The following IER3IP1 variants were observed in gnomAD, a reference collection of about 807,000 sequenced individuals.
IER3IP1 encodes the protein immediate early response 3-interacting protein 1.
Under a neutral mutation model 12.2 loss-of-function variants are expected in IER3IP1, and 16 were observed. The ratio of observed to expected loss-of-function variants is 1.31; its 90% CI spans 0.89 to 1.99. The LOEUF (loss-of-function observed/expected upper bound fraction) is 1.99. IER3IP1 is among the 30% of genes most tolerant of loss of function. IER3IP1 has a pLI of 0.00. For missense variants in IER3IP1, 95 were observed against 95.8 expected, an observed-to-expected ratio of 0.99 and a Z score of 0.03; for synonymous variants, 42 against 40.0, an observed-to-expected ratio of 1.05 and a Z score of -0.19.
chr18:47,173,348 CT>C (rs1376871445), intron 1 of IER3IP1, among the ~76,000 whole-genome samples: 1 of 151,860 alleles, frequency 6.6e-6, no homozygotes, highest in African/African-American at 2.4e-5. Context: ...CCTTTTATAC[CT>C]TTTTTTTCTT....
chr18:47,168,575 T>C (rs1356712679), intron 1 of IER3IP1, among the ~76,000 whole-genome samples: 1 of 152,230 alleles, frequency 6.6e-6, no homozygotes, highest in Non-Finnish European at 1.5e-5. Flanking sequence ...CAGTCATCCA[T>C]ATTGCTTTGT....
Position 47,176,291 on chromosome 18 carries a change from C to A in IER3IP1, c.-14G>T. 2.5e-6 allele frequency: 4 copies of A among 1,596,000 alleles called. No individual in the cohort carries two copies. Among genetic ancestry groups the A allele is most frequent in the Non-Finnish European group, 3.4e-6 (4 of 1,170,912 alleles). On this transcript the variant is annotated 5_prime_UTR_variant, in exon 1 of 3. Transcript: ENST00000256433. ...GGTAAAGGCCATGGCCGTCCGAGGCCGCCCCGAAGTCCAAGCGATTTCTCT... is the reference window on the plus strand; with the variant it reads ...GGTAAAGGCCATGGCCGTCCGAGGCAGCCCCGAAGTCCAAGCGATTTCTCT...
chr18:47,158,385 G>A (rs939515784), intron 1 of IER3IP1, among the ~76,000 whole-genome samples: 7 of 151,970 alleles, frequency 4.6e-5, no homozygotes, highest in South Asian at 2.1e-4. Flanking sequence ...GAGTTGCCCA[G>A]GCTGGAGTGC....
intron 1 of IER3IP1, among the ~76,000 whole-genome samples, chr18:47,171,754 C>T (rs115823384): frequency 2.8e-4 from 43 of 152,134 alleles, no homozygotes; most frequent in African/African-American, 9.2e-4. Flanking sequence ...ATGACAGAGA[C>T]TATTACTGTT....
rs768458884 is a variant in IER3IP1 at position 47,156,183 on chromosome 18, A to G, written c.243T>C (p.Phe81=). 1.3e-6 allele frequency: 2 copies of G among 1,537,968 alleles called. No individual in the cohort carries two copies. Among genetic ancestry groups the G allele is most frequent in the Admixed American group, 1.7e-5 (1 of 59,910 alleles). Residue 81 remains phenylalanine, a synonymous_variant, in exon 3 of 3, where the codon TTT becomes TTC. Transcript: ENST00000256433. ...NSIAIVLLLL[F]G ...CCATTTTCTCCACTGATATTCATCC[A>G]AATAATAAAAGTAACACAATTGCAA... is the stretch of plus-strand genomic sequence containing the variant.
chr18:47,176,062 T>TC (rs2144443368), intron 1 of IER3IP1, 125 bp downstream of exon 1: 2 of 828,628 alleles, frequency 2.4e-6, no homozygotes, highest in Non-Finnish European at 2.0e-6. Flanking sequence ...CGGCTTCCAC[T>TC]CCAAGCCGAG....
In IER3IP1 at chr18:47,153,588, C is replaced by G. The variant is rs1000245989; in HGVS notation, c.*2589G>C. 2 of 151,880 alleles carry G rather than the reference C, an allele frequency of 1.3e-5. No individual in the cohort carries two copies. Among genetic ancestry groups the G allele is most frequent in the Non-Finnish European group, 2.9e-5 (2 of 68,016 alleles). 9.4% of individuals were successfully genotyped at this position (151,880 alleles called of 1,614,324 possible). A position where few individuals can be genotyped will look rare whatever the true frequency, so the allele number is the denominator to read the frequency against. On this transcript the variant is annotated 3_prime_UTR_variant, in exon 3 of 3. Transcript: ENST00000256433. Reference sequence around the variant, plus strand: ...GCCCCCAGTGTCTGTTGTCCCCCTCCTTATGTCCATGAGGTCTTATCATTT... The same window carrying G: ...GCCCCCAGTGTCTGTTGTCCCCCTCGTTATGTCCATGAGGTCTTATCATTT...
chr18:47,174,111 A>C (rs57744138), intron 1 of IER3IP1, among the ~76,000 whole-genome samples: 7,978 of 152,206 alleles, frequency 0.052, 255 homozygotes, highest in East Asian at 0.091. Context: ...CACAATTCAA[A>C]CCCCAACTTG....
chr18:47,168,307 A>C lies in IER3IP1; in HGVS notation c.91+7880T>G, dbSNP rs1222858435. 2.7e-5 allele frequency among the ~76,000 whole-genome samples: 4 copies of C among 149,184 alleles called. No individual in the cohort carries two copies. In the East Asian group the frequency reaches 7.8e-4, roughly 29 times the overall value. On this transcript the variant is annotated intron_variant, in intron 1 of 2. Transcript: ENST00000256433. ...ACAGTGCAAGACTCCATCACAAAAA[A>C]AAAAAAAAAAAGACAAAAAAAATCC...
In IER3IP1 at chr18:47,173,819, C is replaced by G. The variant is rs541017776; in HGVS notation, c.91+2368G>C. Among the ~76,000 whole-genome samples the G allele has an allele frequency of 9.2e-5, 14 of 152,296 alleles. No homozygotes were observed. In the South Asian group the frequency reaches 2.1e-3, roughly 23 times the overall value. On this transcript the variant is annotated intron_variant, in intron 1 of 2. Transcript: ENST00000256433. Reference sequence around the variant, plus strand: ...GAGGGATAATCTCATCCATGCCTCTCTCTTAACATCCAGTAGTTGCTGGAA... The same window carrying G: ...GAGGGATAATCTCATCCATGCCTCTGTCTTAACATCCAGTAGTTGCTGGAA...
chr18:47,166,260 A>G (rs772870210), intron 1 of IER3IP1, among the ~76,000 whole-genome samples: 3 of 152,214 alleles, frequency 2.0e-5, no homozygotes, highest in Non-Finnish European at 4.4e-5. Context: ...TGATAAAGTT[A>G]TTTAATTATT....
rs556843657 is a variant in IER3IP1, at chr18:47,171,000, T to C, written c.91+5187A>G. 2.0e-5 allele frequency among the ~76,000 whole-genome samples: 3 copies of C among 152,296 alleles called. No individual in the cohort carries two copies. In the Middle Eastern group the frequency reaches 0.01, roughly 518 times the overall value. On this transcript the variant is annotated intron_variant, in intron 1 of 2. Transcript: ENST00000256433. ...TAGTGTTCCAGCATTAAGTATGATG[T>C]TAACTAGGGAATTTTCATACATGCT...
intron 1 of IER3IP1, among the ~76,000 whole-genome samples, chr18:47,160,190 C>T (rs575940365): frequency 3.4e-5 from 5 of 147,938 alleles, no homozygotes; most frequent in East Asian, 2.0e-4. Flanking sequence ...AGCAAAACTC[C>T]GTCTCAAAAA....
At chr18:47,167,444 C>G (rs1453824935) in intron 1 of IER3IP1, among the ~76,000 whole-genome samples, 1 of 152,150 alleles carries the variant, frequency 6.6e-6, no homozygotes, top group Non-Finnish European at 1.5e-5. Context: ...CTTTAAAAAT[C>G]TGAATATAGA....
intron 1 of IER3IP1, among the ~76,000 whole-genome samples, chr18:47,168,600 T>C (rs990101318): frequency 1.3e-5 from 2 of 152,224 alleles, no homozygotes; most frequent in Non-Finnish European, 2.9e-5. Context: ...CCACAGTTCA[T>C]TCTTTTTCAT....
intron 1 of IER3IP1, among the ~76,000 whole-genome samples, chr18:47,170,993 T>C (rs892126804): frequency 6.6e-6 from 1 of 152,168 alleles, no homozygotes; most frequent in Non-Finnish European, 1.5e-5. Context: ...CAGCATTAAG[T>C]ATGATGTTAA....
intron 1 of IER3IP1, among the ~76,000 whole-genome samples, chr18:47,170,065 T>G (rs1327607268): frequency 1.3e-5 from 2 of 152,202 alleles, no homozygotes; most frequent in Non-Finnish European, 2.9e-5. Flanking sequence ...CTTTTTATCT[T>G]ACAGTTTGTA....
At chr18:47,176,150 G>C in intron 1 of IER3IP1, 37 bp downstream of exon 1, 1 of 1,541,148 alleles carries the variant, frequency 6.5e-7, no homozygotes, top group Non-Finnish European at 8.8e-7. Context: ...CGGGGACTCC[G>C]CCGCCGCCCC....
intron 1 of IER3IP1, among the ~76,000 whole-genome samples, chr18:47,168,612 G>C (rs1234447617): frequency 6.6e-6 from 1 of 152,020 alleles, no homozygotes; most frequent in Non-Finnish European, 1.5e-5. Flanking sequence ...CTTTTTCATT[G>C]TTATGCAGCA....
Sources: allele counts gnomAD v4.1 joint callset (sites outside exome capture counted in the v4.1 genomes callset), GRCh38; gene constraint gnomAD v4.1.1; transcripts MANE v1.5; gene names NCBI Gene and HGNC (gene_info 2026-07-23, HGNC 2026-07-21).